Variants in DNAJC13 observed in about 807,000 individuals in gnomAD.
DNAJC13 encodes the protein dnaJ homolog subfamily C member 13.
Under a neutral mutation model 290.5 loss-of-function variants are expected in DNAJC13, and 75 were observed. That is an observed-to-expected ratio of 0.26 (90% CI 0.21 to 0.31). The LOEUF (loss-of-function observed/expected upper bound fraction) is 0.31. Ranked by LOEUF, DNAJC13 falls within the 10% of genes least tolerant of loss-of-function variation. The probability of loss-of-function intolerance (pLI) is 1.00; values close to 1 mark genes in which losing one functional copy is unlikely to be tolerated. For missense variants in DNAJC13, 2,260 were observed against 2,674.5 expected (o/e 0.85, Z 3.42); for synonymous variants, 862 against 892.0 (o/e 0.97, Z 0.60).
chr3:132,452,657 ATTTCAGATTTGGGAT>A (rs749169457), intron 6 of DNAJC13, among the ~76,000 whole-genome samples: 1 of 152,232 alleles, frequency 6.6e-6, no homozygotes, highest in Non-Finnish European at 1.5e-5. Context: ...TTGTTGGGGC[ATTTCAGATTTGGGAT>A]TTTCAGATTT....
chr3:132,481,191 C>T (rs1420891085), intron 26 of DNAJC13, among the ~76,000 whole-genome samples: 2 of 152,162 alleles, frequency 1.3e-5, no homozygotes, highest in Non-Finnish European at 2.9e-5. Flanking sequence ...TCTATATGCT[C>T]ATAACAACTT....
At chr3:132,523,452 A>T in intron 50 of DNAJC13, 88 bp from the exon 51 acceptor site, 1 of 1,430,050 alleles carries the variant, frequency 7.0e-7, no homozygotes, top group Non-Finnish European at 9.5e-7. Flanking sequence ...TGGACTGGTT[A>T]ACATTATAAA....
At chr3:132,425,966 C>G (rs1011246925) in intron 1 of DNAJC13, among the ~76,000 whole-genome samples, 1 of 152,178 alleles carries the variant, frequency 6.6e-6, no homozygotes, top group Non-Finnish European at 1.5e-5. Context: ...CTTCTTCTCA[C>G]TGGACTCCCA....
rs780669417 is a variant in DNAJC13, at chr3:132,477,870, G to A, written c.2527G>A (p.Glu843Lys). Reference sequence around the variant, plus strand: ...ACTATTGGAGGAAGATGAGAATGAAGAAAGTGGATCAATTAAGAGATCGTG... The same window carrying A: ...ACTATTGGAGGAAGATGAGAATGAAAAAAGTGGATCAATTAAGAGATCGTG... ...RLLLEEDENE[E>K]SGSIKRSYEF... is the part of the protein sequence containing the mutation. The change falls in exon 23 of 56, where the codon GAA (glutamate) becomes AAA (lysine). Residue 843 changes from glutamate (E) to lysine (K), a missense_variant. Coordinates refer to ENST00000260818, the MANE Select transcript of DNAJC13 (RefSeq NM_015268.4). The A allele has an allele frequency of 1.9e-6, 3 of 1,613,166 alleles. No homozygotes were observed. The highest frequency in any genetic ancestry group is 2.5e-6 in the Non-Finnish European group (3 of 1,179,618).
At chr3:132,480,975 T>G (rs1408166273) in intron 26 of DNAJC13, among the ~76,000 whole-genome samples, 1 of 152,184 alleles carries the variant, frequency 6.6e-6, no homozygotes, top group Non-Finnish European at 1.5e-5. Flanking sequence ...GCTATTTGAG[T>G]ATTTAGTATA....
chr3:132,447,388 C>G lies in DNAJC13; in HGVS notation c.212C>G (p.Thr71Arg), dbSNP rs1428136803. The G allele has an allele frequency of 1.2e-6, 2 of 1,608,476 alleles. No individual in the cohort carries two copies. Among genetic ancestry groups the G allele is most frequent in the Non-Finnish European group, 1.7e-6 (2 of 1,177,576 alleles). Residue 71 changes from threonine to arginine, a missense_variant, in exon 4 of 56, where the codon ACA (threonine) becomes AGA (arginine). Around this residue, in one of 3 missense-constraint regions of DNAJC13, gnomAD observed 762 missense variants for 964.1 expected, o/e 0.79. Transcript: ENST00000260818. ...GGACAAGGAACGGAGTTCAACCTCA[C>G]ATTTCGTAAAGGCAGTGGAAAAAAG... ...GKGQGTEFNL[T>R]FRKGSGKKSE...
In DNAJC13 at chr3:132,525,697, C is replaced by T. The variant is rs150226167; in HGVS notation, c.6148C>T (p.His2050Tyr). 2.0e-5 allele frequency: 32 copies of T among 1,614,058 alleles called. No individual in the cohort carries two copies. Among genetic ancestry groups the T allele is most frequent in the Non-Finnish European group, 2.7e-5 (32 of 1,180,030 alleles). The change falls in exon 52 of 56, where the codon CAT (histidine) becomes TAT (tyrosine). Residue 2050 changes from histidine (H) to tyrosine (Y), a missense_variant. By Grantham distance (83) the His-to-Tyr change is moderately conservative. Coordinates refer to ENST00000260818, the MANE Select transcript of DNAJC13 (RefSeq NM_015268.4). ...QLADQVPPLG[H>Y]LPKVIQAMNH... is the part of the protein sequence containing the mutation. ...GGCAGATCAGGTCCCGCCATTGGGCCATCTTCCCAAAGTTATCCAGGCAAT... is the reference window on the plus strand; with the variant it reads ...GGCAGATCAGGTCCCGCCATTGGGCTATCTTCCCAAAGTTATCCAGGCAAT...
intron 1 of DNAJC13, among the ~76,000 whole-genome samples, chr3:132,423,330 A>G (rs1446847806): frequency 2.0e-5 from 3 of 152,218 alleles, no homozygotes; most frequent in South Asian, 2.1e-4. Context: ...AGTTGCCACA[A>G]CTTAATGGAA....
At chr3:132,484,292 C>T (rs1016566220) in intron 28 of DNAJC13, 18 of 442,944 alleles carry the variant, frequency 4.1e-5, no homozygotes, top group African/African-American at 3.4e-4. Flanking sequence ...GGAAAATACC[C>T]ACTGACAGTG....
intron 36 of DNAJC13, 50 bp from the exon 37 acceptor site, chr3:132,499,076 C>T: frequency 2.8e-6 from 4 of 1,454,160 alleles, no homozygotes; most frequent in Non-Finnish European, 3.7e-6. Flanking sequence ...GAAACCACAA[C>T]ATAATCAATT....
intron 44 of DNAJC13, 137 bp from the exon 45 acceptor site, chr3:132,512,871 T>G: frequency 1.4e-6 from 1 of 700,314 alleles, no homozygotes; most frequent in East Asian, 2.8e-5. Context: ...GTCCTCCACT[T>G]ACTTCATGTC....
At chr3:132,528,358 G>T in intron 54 of DNAJC13, 26 bp downstream of exon 54, 1 of 1,611,836 alleles carries the variant, frequency 6.2e-7, no homozygotes, top group South Asian at 1.1e-5. Flanking sequence ...GTCAACTTTT[G>T]ATATTCTAAA....
intron 14 of DNAJC13, 78 bp downstream of exon 14, chr3:132,460,435 G>C: frequency 1.0e-6 from 1 of 970,438 alleles, no homozygotes; most frequent in Non-Finnish European, 1.5e-6. Context: ...CCACGTGGAT[G>C]ATTTTTTTTT....
At chr3:132,481,256 A>T (rs1934663478) in intron 26 of DNAJC13, among the ~76,000 whole-genome samples, 1 of 152,178 alleles carries the variant, frequency 6.6e-6, no homozygotes, top group African/African-American at 2.4e-5. Context: ...GGCAGTATTT[A>T]AAAACATGTT....
At chr3:132,424,776 G>C (rs1055512790) in intron 1 of DNAJC13, among the ~76,000 whole-genome samples, 3 of 152,066 alleles carry the variant, frequency 2.0e-5, no homozygotes, top group African/African-American at 7.2e-5. Context: ...GGAAGGCTAA[G>C]ATGGTAGGTA....
chr3:132,502,151 T>C, intron 39 of DNAJC13, 138 bp from the exon 40 acceptor site: 1 of 661,966 alleles, frequency 1.5e-6, no homozygotes, highest in Non-Finnish European at 2.4e-6. Context: ...AAATTGGAAT[T>C]GAAAATGTAA....
intron 22 of DNAJC13, among the ~76,000 whole-genome samples, chr3:132,476,223 C>A: frequency 6.6e-6 from 1 of 152,200 alleles, no homozygotes; most frequent in African/African-American, 2.4e-5. Context: ...ATACTTCTAT[C>A]TCATAATTGG....
chr3:132,466,357 A>C lies in DNAJC13; in HGVS notation c.2027A>C (p.Asp676Ala). ...GATCTCGTACCTGAGAAGGATGCTGATCGGATGCATGTTAGAGACAATGTG... is the reference window on the plus strand; with the variant it reads ...GATCTCGTACCTGAGAAGGATGCTGCTCGGATGCATGTTAGAGACAATGTG... ...SSDLVPEKDA[D>A]RMHVRDNVKI... is the part of the protein sequence containing the mutation. Residue 676 changes from aspartate (D) to alanine (A), a missense_variant, in exon 19 of 56, where the codon GAT becomes GCT. Coordinates refer to ENST00000260818, the MANE Select transcript of DNAJC13 (RefSeq NM_015268.4). The C allele has an allele frequency of 3.7e-6, 6 of 1,602,776 alleles. No individual in the cohort carries two copies. The highest frequency in any genetic ancestry group is 5.1e-6 in the Non-Finnish European group (6 of 1,176,986).
chr3:132,473,291 C>T (rs1249763202), intron 21 of DNAJC13, 64 bp downstream of exon 21: 2 of 1,110,446 alleles, frequency 1.8e-6, no homozygotes, highest in Non-Finnish European at 1.3e-6. Context: ...GGCATCATGA[C>T]ACGTTCTTCT....
Sources: allele counts gnomAD v4.1 joint callset (sites outside exome capture counted in the v4.1 genomes callset), GRCh38; gene constraint gnomAD v4.1.1; regional missense constraint gnomAD v4.1.1; transcripts MANE v1.5; gene names NCBI Gene and HGNC (gene_info 2026-07-23, HGNC 2026-07-21).